COL24A1: variants seen among roughly 807,000 people sequenced by gnomAD.
The protein encoded by COL24A1 is collagen alpha-1(XXIV) chain.
A neutral mutation model predicts 253.9 loss-of-function variants in COL24A1; 224 were observed. That is an observed-to-expected ratio of 0.88 (90% CI 0.79 to 0.99). The LOEUF (loss-of-function observed/expected upper bound fraction) is 0.99. Ranked by LOEUF, COL24A1 falls within the 50% of genes least tolerant of loss-of-function variation. The probability of loss-of-function intolerance (pLI) is 0.00; values close to 1 mark genes in which losing one functional copy is unlikely to be tolerated. For missense variants in COL24A1, 2,131 were observed against 2,068.5 expected, an observed-to-expected ratio of 1.03 and a Z score of -0.59; for synonymous variants, 685 against 673.7, an observed-to-expected ratio of 1.02 and a Z score of -0.26.
At chr1:85,985,735 T>C (rs1248050100) in intron 20 of COL24A1, among the ~76,000 whole-genome samples, 1 of 151,764 alleles carries the variant, frequency 6.6e-6, no homozygotes, top group Non-Finnish European at 1.5e-5. Context: ...ATTGATGGCA[T>C]GAGGTCATTG....
chr1:85,828,501 C>A (rs990120460), intron 43 of COL24A1, among the ~76,000 whole-genome samples: 1 of 151,282 alleles, frequency 6.6e-6, no homozygotes, highest in Non-Finnish European at 1.5e-5. Flanking sequence ...TCTCGTTGAT[C>A]TGTCTAATGT....
intron 10 of COL24A1, 53 bp downstream of exon 10, chr1:86,057,878 C>A: frequency 1.3e-6 from 2 of 1,503,832 alleles, no homozygotes; most frequent in Non-Finnish European, 1.8e-6. Flanking sequence ...TTATATATTT[C>A]ATTCTACTTT....
At chr1:85,778,254 C>T in intron 52 of COL24A1, among the ~76,000 whole-genome samples, 1 of 152,076 alleles carries the variant, frequency 6.6e-6, no homozygotes, top group East Asian at 1.9e-4. Flanking sequence ...CAGGCATCTG[C>T]CACTACGCCA....
At chr1:86,076,617 A>G (rs1236841454) in intron 7 of COL24A1, among the ~76,000 whole-genome samples, 1 of 152,248 alleles carries the variant, frequency 6.6e-6, no homozygotes, top group African/African-American at 2.4e-5. Flanking sequence ...AGCTGGAGGC[A>G]TCACGCTACC....
intron 37 of COL24A1, among the ~76,000 whole-genome samples, chr1:85,861,338 T>A (rs904602906): frequency 6.6e-6 from 1 of 152,236 alleles, no homozygotes; most frequent in Non-Finnish European, 1.5e-5. Flanking sequence ...TATCAGATTG[T>A]TAATATATTC....
intron 31 of COL24A1, among the ~76,000 whole-genome samples, chr1:85,890,168 C>T (rs1682964580): frequency 6.6e-6 from 1 of 152,152 alleles, no homozygotes; most frequent in Non-Finnish European, 1.5e-5. Flanking sequence ...TGGATCACTT[C>T]CAACTTTTGG....
chr1:86,101,252 T>C (rs1212807445), intron 5 of COL24A1, among the ~76,000 whole-genome samples: 1 of 152,136 alleles, frequency 6.6e-6, no homozygotes, highest in Admixed American at 6.5e-5. Context: ...AATGACTTTG[T>C]TGAAGTTGTA....
At chr1:85,898,049 GTAGT>G (rs201148999) in intron 28 of COL24A1, among the ~76,000 whole-genome samples, 2,134 of 152,272 alleles carry the variant, frequency 0.014, 13 homozygotes, top group Non-Finnish European at 0.023. Context: ...GAATAAAAAA[GTAGT>G]TTGTTTGGTT....
intron 2 of COL24A1, among the ~76,000 whole-genome samples, chr1:86,137,908 T>C (rs1650486585): frequency 6.6e-6 from 1 of 152,210 alleles, no homozygotes. Context: ...TAGTGTAAAG[T>C]AGATTATGCC....
chr1:85,891,279 TG>T (rs1195911158), intron 31 of COL24A1, among the ~76,000 whole-genome samples: 2 of 149,854 alleles, frequency 1.3e-5, no homozygotes, highest in African/African-American at 4.9e-5. Flanking sequence ...TTAACCAGGA[TG>T]GTATCAATCT....
chr1:86,031,002 T>TC (rs1431043231), intron 14 of COL24A1, among the ~76,000 whole-genome samples: 1 of 152,086 alleles, frequency 6.6e-6, no homozygotes, highest in Non-Finnish European at 1.5e-5. Flanking sequence ...ATATTTGCAC[T>TC]CCCATGTTTA....
chr1:86,013,289 T>C (rs770816370), intron 19 of COL24A1, among the ~76,000 whole-genome samples: 1 of 152,214 alleles, frequency 6.6e-6, no homozygotes, highest in Non-Finnish European at 1.5e-5. Context: ...TAGAATTACT[T>C]TCACTGAATT....
intron 45 of COL24A1, among the ~76,000 whole-genome samples, chr1:85,820,136 C>T (rs1176069915): frequency 6.6e-6 from 1 of 152,056 alleles, no homozygotes; most frequent in Admixed American, 6.5e-5. Flanking sequence ...GCATGAGCCA[C>T]CATGCCTGGC....
At chr1:86,080,713 C>G (rs11588997) in intron 7 of COL24A1, among the ~76,000 whole-genome samples, 51,142 of 151,808 alleles carry the variant, frequency 0.34, 9,121 homozygotes, top group Middle Eastern at 0.51. Flanking sequence ...GTTATCAATA[C>G]GTTACCACAC....
In COL24A1 at chr1:85,949,109, C is replaced by T. The variant is rs560611307; in HGVS notation, c.2562+12140G>A. On this transcript the variant is annotated intron_variant, in intron 24 of 59. Coordinates refer to ENST00000370571, the MANE Select transcript of COL24A1 (RefSeq NM_152890.7). The stretch of plus-strand genomic sequence containing the variant: ...TGGTCTCACAGTCCTTACTCTTACC[C>T]GTTTTGTTATATTATTCTAAGATAT... 3.9e-4 allele frequency among the ~76,000 whole-genome samples: 59 copies of T among 152,184 alleles called. 1 individual carries two copies. Among genetic ancestry groups the T allele is most frequent in the African/African-American group, 1.4e-3 (57 of 41,542 alleles).
chr1:85,802,436 T>A (rs1671530355), intron 47 of COL24A1, among the ~76,000 whole-genome samples: 1 of 152,160 alleles, frequency 6.6e-6, no homozygotes, highest in African/African-American at 2.4e-5. Flanking sequence ...GAATGTTTCT[T>A]TCCTGCTTTC....
intron 37 of COL24A1, among the ~76,000 whole-genome samples, chr1:85,866,253 C>T (rs313766): frequency 0.41 from 62,592 of 151,634 alleles, 13,374 homozygotes; most frequent in South Asian, 0.59. Flanking sequence ...TGAGACTCTG[C>T]CTAAAAGAAA....
At chr1:86,087,174 T>TA (rs1360928869) in intron 7 of COL24A1, among the ~76,000 whole-genome samples, 2 of 151,532 alleles carry the variant, frequency 1.3e-5, no homozygotes, top group African/African-American at 4.9e-5. Context: ...GAAAGCTTTT[T>TA]AAAAAATCTT....
intron 2 of COL24A1, among the ~76,000 whole-genome samples, chr1:86,128,188 C>G (rs779037641): frequency 1.3e-5 from 2 of 151,968 alleles, no homozygotes; most frequent in Non-Finnish European, 2.9e-5. Context: ...AAACTTTAAT[C>G]CATAATATGG....
Sources: gnomAD v4.1 joint callset for allele counts (sites outside exome capture counted in the v4.1 genomes callset) on GRCh38, gnomAD v4.1.1 for gene constraint, MANE v1.5 for transcripts, NCBI Gene and HGNC (gene_info 2026-07-23, HGNC 2026-07-21) for gene names.